Variants in ADGRD1 observed in about 807,000 individuals in gnomAD.
ADGRD1 encodes the protein G-protein coupled receptor 133.
ADGRD1 carries 77 observed loss-of-function variants against 113.4 expected under a neutral mutation model. The observed-to-expected ratio is 0.68, with a 90% CI of 0.57 to 0.82. ADGRD1 has a LOEUF of 0.82. Among genes scored for constraint, ADGRD1 ranks in the 40% least tolerant of loss-of-function variants. The pLI is 0.00. For missense variants in ADGRD1, 1,036 were observed against 1,139.1 expected (o/e 0.91, Z 1.30); for synonymous variants, 474 against 475.0 (o/e 1.00, Z 0.03).
chr12:131,003,119 C>T lies in ADGRD1; in HGVS notation c.1027-66C>T. ...GAAACTTGATTTTGTGTGCCTGGTG[C>T]ACCTGCCTGGTGCCCTGGCTGAGTG... On this transcript the variant is annotated intron_variant, in intron 9 of 24. Coordinates refer to ENST00000261654, the MANE Select transcript of ADGRD1 (RefSeq NM_198827.5). The surrounding 1 kb of genome is among the most constrained non-coding windows in gnomAD (Gnocchi z 4.8). The T allele has an allele frequency of 8.0e-7, 1 of 1,253,784 alleles. No homozygotes were observed. The highest frequency in any genetic ancestry group is 1.2e-6 in the Non-Finnish European group (1 of 853,304). The allele number at this position is 1,253,784 out of a possible 1,614,324, so 77.7% of individuals were successfully genotyped here.
chr12:131,123,683 G>T lies in ADGRD1; in HGVS notation c.2175+2770G>T, dbSNP rs184218122. Among the ~76,000 whole-genome samples the T allele has an allele frequency of 7.9e-5, 12 of 152,164 alleles. No individual in the cohort carries two copies. In the East Asian group the frequency reaches 2.0e-3, roughly 25 times the overall value. On this transcript the variant is annotated intron_variant, in intron 20 of 24. Transcript: ENST00000261654. ...AAAAATACAAAAAAATTAGCTGGGCGTGGTGGCGGGTGCCTGTAGTCCCAG... is the reference window on the plus strand; with the variant it reads ...AAAAATACAAAAAAATTAGCTGGGCTTGGTGGCGGGTGCCTGTAGTCCCAG...
intron 13 of ADGRD1, among the ~76,000 whole-genome samples, chr12:131,030,079 C>T (rs1349123398): frequency 7.6e-6 from 1 of 131,014 alleles, no homozygotes; most frequent in Non-Finnish European, 1.6e-5. Context: ...GTGGACCCGT[C>T]GTAGGTGACA....
In ADGRD1 at chr12:131,113,709, C is replaced by G. The variant is rs1446100097; in HGVS notation, c.2042-4676C>G. On this transcript the variant is annotated intron_variant, in intron 18 of 24. Transcript: ENST00000261654. The surrounding 1 kb of genome is among the most constrained non-coding windows in gnomAD (Gnocchi z 4.9). Reference sequence around the variant, plus strand: ...ATGCAGGGAGCTCCCCGAGTCACCACGGACGTCCTCCGTCCTGCCTCACTG... The same window carrying G: ...ATGCAGGGAGCTCCCCGAGTCACCAGGGACGTCCTCCGTCCTGCCTCACTG... 6.6e-6 allele frequency among the ~76,000 whole-genome samples: 1 copy of G among 152,182 alleles called. No individual in the cohort carries two copies. Among genetic ancestry groups the G allele is most frequent in the Non-Finnish European group, 1.5e-5 (1 of 68,028 alleles).
chr12:130,980,356 G>A (rs1210019564), intron 4 of ADGRD1, among the ~76,000 whole-genome samples: 11 of 151,482 alleles, frequency 7.3e-5, no homozygotes, highest in Non-Finnish European at 8.8e-5. Context: ...CACCCGCCTC[G>A]GCCTCCCTAA....
intron 12 of ADGRD1, among the ~76,000 whole-genome samples, chr12:131,006,787 C>T (rs370917521): frequency 9.9e-5 from 15 of 152,070 alleles, no homozygotes; most frequent in Non-Finnish European, 1.3e-4. Flanking sequence ...CCGTCTTCTG[C>T]GTCAGATTTC....
chr12:131,139,098 G>C (rs915304202), intron 24 of ADGRD1, 70 bp from the exon 25 acceptor site: 8 of 1,203,744 alleles, frequency 6.6e-6, no homozygotes, highest in Non-Finnish European at 8.5e-6. Context: ...AATGCTCCCC[G>C]CACTCACTGG....
chr12:131,033,880 G>A (rs529076021), intron 13 of ADGRD1, among the ~76,000 whole-genome samples: 11 of 152,270 alleles, frequency 7.2e-5, no homozygotes, highest in East Asian at 3.9e-4. Context: ...AGGTGTGAGC[G>A]TCTGTGCATT....
intron 2 of ADGRD1, among the ~76,000 whole-genome samples, chr12:130,963,677 T>G (rs1870681532): frequency 6.6e-6 from 1 of 152,214 alleles, no homozygotes. Context: ...CATATTTATT[T>G]AGCCAGCGCT....
At chr12:130,996,387 C>T (rs567710711) in intron 8 of ADGRD1, among the ~76,000 whole-genome samples, 4,134 of 85,984 alleles carry the variant, frequency 0.048, 47 homozygotes, top group Non-Finnish European at 0.062. Flanking sequence ...CTGGACGGGG[C>T]GGCTGGCCGG....
chr12:131,102,448 G>A (rs934654536), intron 15 of ADGRD1, among the ~76,000 whole-genome samples: 3 of 152,230 alleles, frequency 2.0e-5, no homozygotes, highest in Non-Finnish European at 2.9e-5. Flanking sequence ...GGCAGAAGAT[G>A]CCTGTGACCT....
chr12:130,993,576 G>A (rs928825593), intron 8 of ADGRD1, among the ~76,000 whole-genome samples: 1 of 152,002 alleles, frequency 6.6e-6, no homozygotes, highest in Admixed American at 6.6e-5. Flanking sequence ...ACAGAGACCT[G>A]GCTTTGACCC....
intron 15 of ADGRD1, among the ~76,000 whole-genome samples, chr12:131,089,571 C>T (rs1230032393): frequency 6.7e-6 from 1 of 148,566 alleles, no homozygotes; most frequent in Non-Finnish European, 1.5e-5. Flanking sequence ...CCAGTGGGTG[C>T]TCACTTCCTG....
intron 12 of ADGRD1, among the ~76,000 whole-genome samples, chr12:131,013,833 C>T (rs1003155019): frequency 6.6e-6 from 1 of 152,180 alleles, no homozygotes; most frequent in African/African-American, 2.4e-5. Flanking sequence ...GATTCATGCC[C>T]TGTTATTTTG....
At chr12:131,059,355 A>G (rs1457294578) in intron 13 of ADGRD1, among the ~76,000 whole-genome samples, 1 of 151,868 alleles carries the variant, frequency 6.6e-6, no homozygotes, top group Non-Finnish European at 1.5e-5. Context: ...ATTTTTTTGT[A>G]TTTTTAGTAG....
Position 131,029,630 on chromosome 12 carries a change from G to A in ADGRD1, c.1473+15290G>A, listed in dbSNP as rs1309629399. Among the ~76,000 whole-genome samples the A allele has an allele frequency of 8.5e-5, 10 of 117,200 alleles. 1 individual carries two copies. The highest frequency in any genetic ancestry group is 3.1e-4 in the African/African-American group (9 of 29,130). The allele number at this position is 117,200 out of a possible 152,430, so 76.9% of individuals were successfully genotyped here. ...TCTGGGGTTAGGTTGTGGACCCGTCGTAGGTGACATTCCCAGGCTCTGGGG... is the reference window on the plus strand; with the variant it reads ...TCTGGGGTTAGGTTGTGGACCCGTCATAGGTGACATTCCCAGGCTCTGGGG... On this transcript the variant is annotated intron_variant, in intron 13 of 24. Coordinates refer to ENST00000261654, the MANE Select transcript of ADGRD1 (RefSeq NM_198827.5).
chr12:131,054,775 C>T (rs551079601), intron 13 of ADGRD1, among the ~76,000 whole-genome samples: 5 of 152,214 alleles, frequency 3.3e-5, no homozygotes, highest in African/African-American at 4.8e-5. Context: ...AGGTTCCCCT[C>T]GCTGCTGCAG....
chr12:131,094,067 GGCACCCAGCCCTGAGCACCCAGTCTCA>G (rs986842941), intron 15 of ADGRD1, among the ~76,000 whole-genome samples: 30 of 132,166 alleles, frequency 2.3e-4, no homozygotes, highest in African/African-American at 7.5e-4. Context: ...ACCCAGCCTC[GGCACCCAGCCCTGAGCACCCAGTCTCA>G]GCACCCAGCC....
At chr12:131,049,448 A>T (rs558747132) in intron 13 of ADGRD1, among the ~76,000 whole-genome samples, 1 of 152,070 alleles carries the variant, frequency 6.6e-6, no homozygotes, top group South Asian at 2.1e-4. Flanking sequence ...CTTTTCCCTC[A>T]CTCTAAGCCA....
At chr12:131,092,618 C>G (rs888133179) in intron 15 of ADGRD1, among the ~76,000 whole-genome samples, 2 of 152,158 alleles carry the variant, frequency 1.3e-5, no homozygotes, top group South Asian at 4.1e-4. Context: ...GGCATGGGCA[C>G]CTGCCTTGGG....
Sources: gnomAD v4.1 joint callset for allele counts (sites outside exome capture counted in the v4.1 genomes callset) on GRCh38, gnomAD v4.1.1 for gene constraint, Gnocchi (gnomAD v3.1) non-coding constraint, MANE v1.5 for transcripts, NCBI Gene and HGNC (gene_info 2026-07-23, HGNC 2026-07-21) for gene names.